CFAP47: variants seen among roughly 807,000 people sequenced by gnomAD.
The protein encoded by CFAP47 is cilia- and flagella-associated protein 47.
A neutral mutation model predicts 148.1 loss-of-function variants in CFAP47; 29 were observed. The observed-to-expected ratio is 0.20, with a 90% CI of 0.15 to 0.27. The LOEUF (loss-of-function observed/expected upper bound fraction) is 0.27. CFAP47 is among the 10% of genes least tolerant of loss of function. The pLI is 1.00. For missense variants in CFAP47, 1,872 were observed against 1,697.5 expected, an observed-to-expected ratio of 1.10 and a Z score of -1.81; for synonymous variants, 664 against 577.3, an observed-to-expected ratio of 1.15 and a Z score of -2.15.
intron 26 of CFAP47, among the ~76,000 whole-genome samples, chrX:36,054,220 G>C (rs939975290): frequency 2.7e-5 from 3 of 111,864 alleles, no homozygotes; most frequent in African/African-American, 6.5e-5. Context: ...CACCCCCACT[G>C]TGGCTACCCA....
intron 37 of CFAP47, among the ~76,000 whole-genome samples, chrX:36,153,122 T>G (rs2146844564): frequency 9.0e-6 from 1 of 111,597 alleles, no homozygotes; most frequent in African/African-American, 3.3e-5. Flanking sequence ...TGATTCTTCC[T>G]AAGGCAAATT....
At chrX:35,974,479 AG>A (rs1285557010) in intron 13 of CFAP47, among the ~76,000 whole-genome samples, 1 of 111,046 alleles carries the variant, frequency 9.0e-6, no homozygotes, top group African/African-American at 3.3e-5. Flanking sequence ...TTCTCTCTCT[AG>A]GGGGGAATTC....
intron 8 of CFAP47, among the ~76,000 whole-genome samples, chrX:35,962,291 C>T (rs762386054): frequency 9.0e-6 from 1 of 111,542 alleles, no homozygotes; most frequent in Non-Finnish European, 1.9e-5. Flanking sequence ...GAAAAATGTG[C>T]ATTCTACTGT....
rs183020690 is a variant in CFAP47, at chrX:35,954,996, C to A, written c.1175-965C>A. 6.2e-5 allele frequency among the ~76,000 whole-genome samples: 7 copies of A among 112,111 alleles called. No individual in the cohort carries two copies. The East Asian group carries it at 1.7e-3, about 27-fold the overall frequency. On this transcript the variant is annotated intron_variant, in intron 7 of 63. Transcript: ENST00000378653. ...TGTAATCACTAATCCCAAGTGAGTT[C>A]TTTAAGCTGTTTGGCATTCCCTATT... is the stretch of plus-strand genomic sequence containing the variant.
At chrX:36,368,283 T>C (rs1422713838) in intron 62 of CFAP47, among the ~76,000 whole-genome samples, 2 of 111,808 alleles carry the variant, frequency 1.8e-5, no homozygotes, top group East Asian at 5.6e-4. Flanking sequence ...AAAGAATATT[T>C]AGCTGAAATG....
chrX:35,988,443 A>G (rs1936746936), intron 15 of CFAP47, among the ~76,000 whole-genome samples: 1 of 111,729 alleles, frequency 9.0e-6, no homozygotes, highest in Admixed American at 9.5e-5. Context: ...TCCAGGCATC[A>G]TACACTATGT....
At chrX:36,058,262 C>T (rs188234649) in intron 26 of CFAP47, among the ~76,000 whole-genome samples, 1 of 111,641 alleles carries the variant, frequency 9.0e-6, no homozygotes, top group East Asian at 2.8e-4. Context: ...AACATATCAC[C>T]AAACATTACT....
chrX:36,366,448 A>AT (rs1227193554), intron 61 of CFAP47, among the ~76,000 whole-genome samples: 1 of 111,994 alleles, frequency 8.9e-6, no homozygotes, highest in Non-Finnish European at 1.9e-5. Context: ...TTGCAATTTC[A>AT]TTTTTTAAAA....
chrX:36,096,187 T>C (rs1395320098), intron 30 of CFAP47, among the ~76,000 whole-genome samples: 1 of 111,205 alleles, frequency 9.0e-6, no homozygotes, highest in Admixed American at 9.6e-5. Flanking sequence ...TCTTGTTTTA[T>C]TCCATTGTAG....
intron 49 of CFAP47, among the ~76,000 whole-genome samples, chrX:36,259,009 G>A (rs1940787083): frequency 9.0e-6 from 1 of 111,198 alleles, no homozygotes; most frequent in Non-Finnish European, 1.9e-5. Flanking sequence ...GGGTTTTTTT[G>A]TTTGTGAAAT....
intron 26 of CFAP47, among the ~76,000 whole-genome samples, chrX:36,052,181 G>A (rs1387009608): frequency 1.8e-5 from 2 of 111,927 alleles, no homozygotes; most frequent in African/African-American, 6.5e-5. Context: ...TCTGCTCTAT[G>A]AATTTATTGG....
In CFAP47 at chrX:36,330,167, ATCTTCC is replaced by A. The variant is rs1941552560; in HGVS notation, c.8443+10861_8443+10866del. ...CCTTATGCTTTCAATTTTATTATCT[ATCTTCC>A]AGCTTCTATTAATATTCACTAGGCA... On this transcript the variant is annotated intron_variant, in intron 57 of 63. Coordinates refer to ENST00000378653, the MANE Select transcript of CFAP47 (RefSeq NM_001304548.2). Among the ~76,000 whole-genome samples the A allele has an allele frequency of 5.4e-5, 6 of 111,887 alleles. No individual in the cohort carries two copies. In the South Asian group the frequency reaches 2.2e-3, roughly 41 times the overall value.
rs1386921620 is a variant in CFAP47 at position 36,199,672 on chromosome X, C to T, written c.6322-707C>T. 2.7e-5 allele frequency among the ~76,000 whole-genome samples: 3 copies of T among 111,617 alleles called. No homozygotes were observed. The East Asian group carries it at 8.5e-4, about 32-fold the overall frequency. ...AGAAATAATATTGGCTAATGATTGG[C>T]TATACATTGTTTGAACTATAGAGTA... is the stretch of plus-strand genomic sequence containing the variant. On this transcript the variant is annotated intron_variant, in intron 42 of 63. Coordinates refer to ENST00000378653, the MANE Select transcript of CFAP47 (RefSeq NM_001304548.2).
chrX:36,151,213 G>A (rs1170605361), intron 37 of CFAP47, among the ~76,000 whole-genome samples: 1 of 111,479 alleles, frequency 9.0e-6, no homozygotes, highest in Non-Finnish European at 1.9e-5. Flanking sequence ...AAATGTGCAC[G>A]GTAGAAAATT....
At position 36,109,160 on chromosome X, in the gene CFAP47, G is replaced by A. The variant is rs73470991; in HGVS notation, c.5320+4469G>A. ...TTCTGGCTACATATTATTCCATGGT[G>A]TGTATGTGCCATGTTTTGTTTATGC... On this transcript the variant is annotated intron_variant, in intron 33 of 63. Transcript: ENST00000378653. Among the ~76,000 whole-genome samples, 397 of 112,224 alleles carry A rather than the reference G, an allele frequency of 3.5e-3. 1 individual carries two copies. Among genetic ancestry groups the A allele is most frequent in the African/African-American group, 0.012 (369 of 30,871 alleles).
rs191996296 is a variant in CFAP47 at position 36,324,739 on chromosome X, A to G, written c.8443+5432A>G. On this transcript the variant is annotated intron_variant, in intron 57 of 63. Coordinates refer to ENST00000378653, the MANE Select transcript of CFAP47 (RefSeq NM_001304548.2). ...TTCTACTTTTCCTCAATTTTATAGGAAACAAGATCTTTCACCTGCTGTTAC... is the reference window on the plus strand; with the variant it reads ...TTCTACTTTTCCTCAATTTTATAGGGAACAAGATCTTTCACCTGCTGTTAC... 2.7e-5 allele frequency among the ~76,000 whole-genome samples: 3 copies of G among 111,771 alleles called. No homozygotes were observed. In the East Asian group the frequency reaches 8.4e-4, roughly 31 times the overall value.
In CFAP47 at chrX:36,054,973, C is replaced by T. The variant is rs1342931745; in HGVS notation, c.4217+7910C>T. 3.7e-5 allele frequency among the ~76,000 whole-genome samples: 4 copies of T among 109,563 alleles called. No individual in the cohort carries two copies. In the Admixed American group the frequency reaches 3.9e-4, roughly 11 times the overall value. On this transcript the variant is annotated intron_variant, in intron 26 of 63. Transcript: ENST00000378653. ...ATTTTTAGTAGAGATGGGGTTTCAC[C>T]GTGTTAGCCAGGATGGTCTCGATCT... is the stretch of plus-strand genomic sequence containing the variant.
intron 3 of CFAP47, 124 bp from the exon 4 acceptor site, chrX:35,948,190 G>C (rs1321560934): frequency 3.8e-6 from 2 of 520,393 alleles, no homozygotes; most frequent in Non-Finnish European, 3.2e-6. Flanking sequence ...GGCTGCATGT[G>C]GCCCATGGGC....
In CFAP47 at chrX:36,183,185, C is replaced by T. The variant is rs1184502333; in HGVS notation, c.6104+3763C>T. On this transcript the variant is annotated intron_variant, in intron 40 of 63. Coordinates refer to ENST00000378653, the MANE Select transcript of CFAP47 (RefSeq NM_001304548.2). Reference sequence around the variant, plus strand: ...ATTAGCTGGACATAGTGGCGGGTGCCACTACTGGTAGTCATCTCAGCTACT... The same window carrying T: ...ATTAGCTGGACATAGTGGCGGGTGCTACTACTGGTAGTCATCTCAGCTACT... Among the ~76,000 whole-genome samples the T allele has an allele frequency of 3.6e-5, 4 of 110,733 alleles. No homozygotes were observed. In the East Asian group the frequency reaches 1.1e-3, roughly 32 times the overall value.
Sources: gnomAD v4.1 joint callset for allele counts (sites outside exome capture counted in the v4.1 genomes callset) on GRCh38, gnomAD v4.1.1 for gene constraint, MANE v1.5 for transcripts, NCBI Gene and HGNC (gene_info 2026-07-23, HGNC 2026-07-21) for gene names.